Variants in MARCHF1 observed in about 807,000 individuals in gnomAD.
The protein encoded by MARCHF1 is membrane associated ring-CH-type finger 1, also known as E3 ubiquitin-protein ligase MARCHF1.
In MARCHF1, 40 loss-of-function variants were observed where a neutral mutation model predicts 54.2. The observed-to-expected ratio is 0.74, with a 90% CI of 0.57 to 0.96. The LOEUF is 0.96. Ranked by LOEUF, MARCHF1 falls within the 40% of genes least tolerant of loss-of-function variation. The pLI, the probability that MARCHF1 is intolerant of heterozygous loss-of-function variation, is 0.00. For missense variants in MARCHF1, 586 were observed against 656.5 expected, an observed-to-expected ratio of 0.89 and a Z score of 1.17; for synonymous variants, 236 against 236.3, an observed-to-expected ratio of 1.00 and a Z score of 0.01.
At chr4:164,361,716 G>A (rs1184126778) in intron 1 of MARCHF1, among the ~76,000 whole-genome samples, 1 of 152,020 alleles carries the variant, frequency 6.6e-6, no homozygotes, top group Non-Finnish European at 1.5e-5. Context: ...ATGCTTTTCT[G>A]AGGTTTTCAT....
intron 5 of MARCHF1, among the ~76,000 whole-genome samples, chr4:163,693,399 T>C (rs1744523011): frequency 6.6e-6 from 1 of 151,462 alleles, no homozygotes; most frequent in Admixed American, 6.6e-5. Context: ...ATGATGCCTC[T>C]TTAACAGATG....
intron 2 of MARCHF1, among the ~76,000 whole-genome samples, chr4:164,043,907 A>T (rs1290149306): frequency 6.6e-6 from 1 of 152,178 alleles, no homozygotes; most frequent in Non-Finnish European, 1.5e-5. Context: ...AGTTTCACAG[A>T]TTTCTAGGGC....
At chr4:163,855,824 T>G (rs1177150962) in intron 3 of MARCHF1, among the ~76,000 whole-genome samples, 3 of 152,180 alleles carry the variant, frequency 2.0e-5, no homozygotes, top group Non-Finnish European at 2.9e-5. Context: ...CCCATTTAGA[T>G]TCTTTTTGAT....
At chr4:164,050,305 A>C (rs868563676) in intron 2 of MARCHF1, among the ~76,000 whole-genome samples, 180 of 133,898 alleles carry the variant, frequency 1.3e-3, no homozygotes, top group African/African-American at 4.5e-3. Flanking sequence ...AAAAAAAAAA[A>C]GGCCCTAGCT....
chr4:163,928,204 C>A (rs1261108142), intron 3 of MARCHF1, among the ~76,000 whole-genome samples: 2 of 151,760 alleles, frequency 1.3e-5, no homozygotes, highest in African/African-American at 4.8e-5. Flanking sequence ...CTGATTTACT[C>A]TTTCTATTCA....
At chr4:164,189,526 T>C (rs1731067333) in intron 1 of MARCHF1, 2 of 798,336 alleles carry the variant, frequency 2.5e-6, no homozygotes, top group Non-Finnish European at 4.4e-6. Flanking sequence ...CAAGGAGTCC[T>C]CCCATGGCAT....
At chr4:164,052,199 T>G (rs559226641) in intron 2 of MARCHF1, among the ~76,000 whole-genome samples, 1 of 151,828 alleles carries the variant, frequency 6.6e-6, no homozygotes, top group East Asian at 1.9e-4. Context: ...GCCCTGGAAG[T>G]TAGAGATTAT....
intron 1 of MARCHF1, among the ~76,000 whole-genome samples, chr4:164,327,190 C>A (rs542379544): frequency 6.6e-6 from 1 of 152,140 alleles, no homozygotes; most frequent in East Asian, 1.9e-4. Flanking sequence ...AGGAGATGAA[C>A]AAGTTACCAA....
intron 1 of MARCHF1, among the ~76,000 whole-genome samples, chr4:164,269,813 G>A (rs932428767): frequency 1.3e-5 from 2 of 152,046 alleles, no homozygotes; most frequent in African/African-American, 4.8e-5. Flanking sequence ...AGGTGTGAAG[G>A]TAACATCATT....
intron 4 of MARCHF1, among the ~76,000 whole-genome samples, chr4:163,851,822 C>A (rs1749649279): frequency 6.6e-6 from 1 of 152,166 alleles, no homozygotes; most frequent in South Asian, 2.1e-4. Context: ...CTTCCATTTC[C>A]CCTGTGGCCA....
At position 163,612,568 on chromosome 4, in the gene MARCHF1, G is replaced by T; in HGVS notation, c.713C>A (p.Thr238Lys). ...AGAAGGGTTGCATTCTTGGTACCTT[G>T]TATGTTTTCCTCTGTGGAGATTTAA... ...CSLNLHRGKH[T>K]RYQECNPSLT... The change falls in exon 7 of 10, where the codon ACA becomes AAA. Residue 238 changes from threonine (T) to lysine (K), a missense_variant. Thr to Lys is a moderately conservative substitution (Grantham distance 78). Transcript: ENST00000514618. The T allele has an allele frequency of 1.3e-6, 2 of 1,535,502 alleles. No homozygotes were observed. Among genetic ancestry groups the T allele is most frequent in the Non-Finnish European group, 1.7e-6 (2 of 1,146,546 alleles).
intron 2 of MARCHF1, among the ~76,000 whole-genome samples, chr4:164,100,434 C>T (rs1461115599): frequency 6.6e-6 from 1 of 152,190 alleles, no homozygotes; most frequent in Non-Finnish European, 1.5e-5. Context: ...GAGTTCCTTC[C>T]TGACAAAAAC....
rs78849062 is a variant in MARCHF1 at position 164,075,351 on chromosome 4, T to G, written c.-248+36237A>C. Among the ~76,000 whole-genome samples, 229 of 152,338 alleles carry G rather than the reference T, an allele frequency of 1.5e-3. 5 individuals are homozygous for G. In the East Asian group the frequency reaches 0.041, roughly 27 times the overall value. On this transcript the variant is annotated intron_variant, in intron 2 of 9. Transcript: ENST00000514618. ...CAGCTTGCTTCAGGCCAATGGGATA[T>G]TAGCAAACATGTTGTAAACAATATC...
Position 163,679,065 on chromosome 4 carries a change from G to GT in MARCHF1, c.162+21747dup, listed in dbSNP as rs1744010042. 2.0e-5 allele frequency among the ~76,000 whole-genome samples: 3 copies of GT among 152,328 alleles called. No individual in the cohort carries two copies. In the South Asian group the frequency reaches 6.2e-4, roughly 32 times the overall value. Reference sequence around the variant, plus strand: ...GAGGGATGAAGCATCCAGTGGAGTTGTAAGTTGTGGCCATAAATCATTATG... The same window carrying GT: ...GAGGGATGAAGCATCCAGTGGAGTTGTTAAGTTGTGGCCATAAATCATTATG... On this transcript the variant is annotated intron_variant, in intron 5 of 9. Transcript: ENST00000514618.
At chr4:164,308,855 C>T (rs1051662242) in intron 1 of MARCHF1, among the ~76,000 whole-genome samples, 21 of 151,156 alleles carry the variant, frequency 1.4e-4, no homozygotes, top group African/African-American at 4.9e-4. Context: ...CTATTGAGTA[C>T]AAGGCTTAGT....
At chr4:163,855,330 G>A (rs546009013) in intron 3 of MARCHF1, among the ~76,000 whole-genome samples, 4 of 152,244 alleles carry the variant, frequency 2.6e-5, no homozygotes, top group African/African-American at 9.6e-5. Context: ...ATGATAAAGG[G>A]AACTTGAAAA....
intron 3 of MARCHF1, among the ~76,000 whole-genome samples, chr4:163,856,746 C>T (rs12507572): frequency 0.28 from 43,333 of 152,058 alleles, 6,767 homozygotes; most frequent in Non-Finnish European, 0.36. Flanking sequence ...CACCATGGCT[C>T]ATGCCTGTAA....
intron 4 of MARCHF1, among the ~76,000 whole-genome samples, chr4:163,739,246 T>C (rs1257927337): frequency 6.6e-6 from 1 of 152,192 alleles, no homozygotes; most frequent in African/African-American, 2.4e-5. Context: ...TCCCAAGTGG[T>C]ATATTACAGA....
At chr4:164,206,686 CCTTT>C (rs1464006648) in intron 1 of MARCHF1, among the ~76,000 whole-genome samples, 1 of 152,062 alleles carries the variant, frequency 6.6e-6, no homozygotes, top group Non-Finnish European at 1.5e-5. Flanking sequence ...TCTACATTCA[CCTTT>C]GTTTCAAGTA....
Sources: allele counts gnomAD v4.1 joint callset (sites outside exome capture counted in the v4.1 genomes callset), GRCh38; gene constraint gnomAD v4.1.1; transcripts MANE v1.5; gene names NCBI Gene and HGNC (gene_info 2026-07-23, HGNC 2026-07-21).